Variants in FILIP1 observed in about 807,000 individuals in gnomAD.
FILIP1 encodes the protein filamin-A-interacting protein 1.
In FILIP1, 61 loss-of-function variants were observed where a neutral mutation model predicts 102.1. The ratio of observed to expected loss-of-function variants is 0.60; its 90% CI spans 0.49 to 0.74. FILIP1 has a LOEUF of 0.74. Among genes scored for constraint, FILIP1 ranks in the 30% least tolerant of loss-of-function variants. The probability of loss-of-function intolerance (pLI) is 0.00; values close to 1 mark genes in which losing one functional copy is unlikely to be tolerated. For missense variants in FILIP1, 1,314 were observed against 1,441.2 expected, an observed-to-expected ratio of 0.91 and a Z score of 1.43; for synonymous variants, 491 against 526.9, an observed-to-expected ratio of 0.93 and a Z score of 0.93.
chr6:75,435,915 A>G (rs780273705), intron 1 of FILIP1, among the ~76,000 whole-genome samples: 1 of 152,172 alleles, frequency 6.6e-6, no homozygotes, highest in Non-Finnish European at 1.5e-5. Flanking sequence ...AGAAGAGTGA[A>G]GGAGCATAGT....
At chr6:75,398,557 T>A (rs1361368047) in intron 2 of FILIP1, among the ~76,000 whole-genome samples, 6 of 152,074 alleles carry the variant, frequency 3.9e-5, no homozygotes, top group Admixed American at 2.6e-4. Flanking sequence ...TCTATAAGTA[T>A]TAGCCCAGTG....
intron 1 of FILIP1, among the ~76,000 whole-genome samples, chr6:75,450,216 G>A (rs189615179): frequency 6.6e-6 from 1 of 152,210 alleles, no homozygotes; most frequent in African/African-American, 2.4e-5. Flanking sequence ...GGCCTGAAGG[G>A]ATCCTCTCAC....
chr6:75,371,406 T>A (rs1775513205), intron 2 of FILIP1, among the ~76,000 whole-genome samples: 1 of 152,190 alleles, frequency 6.6e-6, no homozygotes, highest in Non-Finnish European at 1.5e-5. Context: ...GCCACCACCA[T>A]GATAGCTTGA....
intron 2 of FILIP1, among the ~76,000 whole-genome samples, chr6:75,373,007 C>T (rs1426537923): frequency 1.3e-5 from 2 of 152,014 alleles, no homozygotes; most frequent in African/African-American, 2.4e-5. Flanking sequence ...ATATTATTCA[C>T]AATAGTCAAA....
At chr6:75,438,792 T>A (rs1406862765) in intron 1 of FILIP1, among the ~76,000 whole-genome samples, 1 of 152,192 alleles carries the variant, frequency 6.6e-6, no homozygotes, top group African/African-American at 2.4e-5. Flanking sequence ...CCTACTAGAA[T>A]GCAACTAGTG....
At chr6:75,369,537 G>A (rs913736510) in intron 2 of FILIP1, among the ~76,000 whole-genome samples, 6 of 151,940 alleles carry the variant, frequency 3.9e-5, no homozygotes, top group African/African-American at 1.2e-4. Context: ...TATGTCTGAC[G>A]ACAATTTAAC....
At chr6:75,490,653 G>A (rs1330876800) in intron 1 of FILIP1, among the ~76,000 whole-genome samples, 1 of 151,864 alleles carries the variant, frequency 6.6e-6, no homozygotes, top group African/African-American at 2.4e-5. Flanking sequence ...GTGTGTGTGT[G>A]TGTGTGTGTG....
rs766903756 is a variant in FILIP1 at position 75,313,317 on chromosome 6, G to A, written c.2515C>T (p.Arg839Trp). 70 of 1,614,060 alleles carry A rather than the reference G, an allele frequency of 4.3e-5. 1 individual carries two copies. In the East Asian group the frequency reaches 8.2e-4, roughly 19 times the overall value. ...ACGGGTTTCTTCAATCCCACCTGCC[G>A]AAGATTACTCATAATATGATTTTCT... ...QEENHIMSNL[R>W]QVGLKKPVER... The change falls in exon 5 of 6, where the codon CGG (arginine) becomes TGG (tryptophan). Residue 839 changes from arginine to tryptophan, a missense_variant. By Grantham distance (101) the Arg-to-Trp change is moderately radical. Around this residue, in one of 3 missense-constraint regions of FILIP1, gnomAD observed 816 missense variants for 913.1 expected, o/e 0.89. Transcript: ENST00000237172. This position sits in a 1 kb window ranked among gnomAD's most constrained non-coding sequence, Gnocchi z 4.2.
Position 75,314,296 on chromosome 6 carries a change from C to T in FILIP1, c.1536G>A (p.Arg512=), listed in dbSNP as rs267601129. The change falls in exon 5 of 6, where the codon AGG becomes AGA. Residue 512 remains arginine, a synonymous_variant. Coordinates refer to ENST00000237172, the MANE Select transcript of FILIP1 (RefSeq NM_015687.5). ...GTTTTATTTTTTCCATCATATTTTT[C>T]CTTTCATCAACCAGCATCACGGTAA... ...KSFTVMLVDE[R]KNMMEKIKQE... The T allele has an allele frequency of 6.5e-7, 1 of 1,531,422 alleles. No individual in the cohort carries two copies. Among genetic ancestry groups the T allele is most frequent in the South Asian group, 1.3e-5 (1 of 75,830 alleles). The allele number at this position is 1,531,422 out of a possible 1,614,324, so 94.9% of individuals were successfully genotyped here.
At chr6:75,465,246 G>T in intron 1 of FILIP1, 1 of 254,332 alleles carries the variant, frequency 3.9e-6, no homozygotes, top group South Asian at 5.1e-5. Context: ...TCTAGAAGAT[G>T]ATGAAGACAT....
chr6:75,429,757 T>G (rs1777761255), intron 1 of FILIP1, among the ~76,000 whole-genome samples: 1 of 152,132 alleles, frequency 6.6e-6, no homozygotes, highest in South Asian at 2.1e-4. Flanking sequence ...TCTATAATAG[T>G]TCAGGTAGAA....
In FILIP1 at chr6:75,309,714, T is replaced by C. The variant is rs141355209; in HGVS notation, c.3436-817A>G. ...CTTATCCTCTCTCCTAGACAGCTAG[T>C]CCCCCTAAAGTTTCTCATCTTATTC... On this transcript the variant is annotated intron_variant, in intron 5 of 5. Transcript: ENST00000237172. Among the ~76,000 whole-genome samples, 14 of 152,214 alleles carry C rather than the reference T, an allele frequency of 9.2e-5. No homozygotes were observed. In the East Asian group the frequency reaches 2.3e-3, roughly 25 times the overall value.
intron 4 of FILIP1, chr6:75,319,475 A>G (rs1016005496): frequency 9.0e-5 from 54 of 600,410 alleles, no homozygotes; most frequent in Non-Finnish European, 1.5e-4. Context: ...CGCCTTTGCC[A>G]TATCTTCAAA....
chr6:75,489,116 A>G (rs888055095), intron 1 of FILIP1, among the ~76,000 whole-genome samples: 1 of 152,158 alleles, frequency 6.6e-6, no homozygotes, highest in African/African-American at 2.4e-5. Context: ...ATTACCCAGT[A>G]TAGTCGGCTG....
At chr6:75,305,937 CA>C (rs1284711965), downstream of FILIP1, among the ~76,000 whole-genome samples, 1 of 152,118 alleles carries the variant, frequency 6.6e-6, no homozygotes. Flanking sequence ...CGTTTCAGGA[CA>C]GAGAAAATAT....
Position 75,400,728 on chromosome 6 carries a change from G to A in FILIP1, c.276+13969C>T, listed in dbSNP as rs142491256. ...AGGCCATGGGAGATTCAGGGATGGGGGAGGGAAGGGTAGGAGATATGTTAG... is the reference window on the plus strand; with the variant it reads ...AGGCCATGGGAGATTCAGGGATGGGAGAGGGAAGGGTAGGAGATATGTTAG... On this transcript the variant is annotated intron_variant, in intron 2 of 5. Transcript: ENST00000237172. Among the ~76,000 whole-genome samples, 35 of 152,252 alleles carry A rather than the reference G, an allele frequency of 2.3e-4. No individual in the cohort carries two copies. The East Asian group carries it at 6.2e-3, about 27-fold the overall frequency.
intron 1 of FILIP1, among the ~76,000 whole-genome samples, chr6:75,444,500 T>C (rs1382305413): frequency 6.6e-6 from 1 of 152,188 alleles, no homozygotes; most frequent in African/African-American, 2.4e-5. Context: ...TATATTGATG[T>C]TCATATTGTG....
At chr6:75,307,191 C>T (rs1299400208), downstream of FILIP1, among the ~76,000 whole-genome samples, 1 of 152,162 alleles carries the variant, frequency 6.6e-6, no homozygotes, top group South Asian at 2.1e-4. Flanking sequence ...TATGAGGCAT[C>T]TACATCTACC....
intron 2 of FILIP1, among the ~76,000 whole-genome samples, chr6:75,396,082 A>T (rs1582442400): frequency 1.3e-5 from 2 of 151,104 alleles, no homozygotes; most frequent in South Asian, 2.1e-4. Flanking sequence ...TCCATAACAC[A>T]TAATGAAAAA....
Sources: allele counts gnomAD v4.1 joint callset (sites outside exome capture counted in the v4.1 genomes callset), GRCh38; gene constraint gnomAD v4.1.1; regional missense constraint gnomAD v4.1.1; non-coding constraint Gnocchi (gnomAD v3.1); transcripts MANE v1.5; gene names NCBI Gene and HGNC (gene_info 2026-07-23, HGNC 2026-07-21).